The following MAP7D2 variants were observed in gnomAD, a reference collection of about 807,000 sequenced individuals.
The protein encoded by MAP7D2 is MAP7 domain containing 2.
MAP7D2 carries 33 observed loss-of-function variants against 63.5 expected under a neutral mutation model. The ratio of observed to expected loss-of-function variants is 0.52; its 90% confidence interval spans 0.39 to 0.70. MAP7D2 has a LOEUF of 0.70. Ranked by LOEUF, MAP7D2 falls within the 30% of genes least tolerant of loss-of-function variation. The pLI is 0.00. For synonymous variants in MAP7D2, 224 were observed against 223.7 expected (o/e 1.00, Z -0.01); for missense variants, 626 against 604.0 (o/e 1.04, Z -0.38).
chrX:20,047,381 C>T (rs1013846452), intron 6 of MAP7D2, among the ~76,000 whole-genome samples: 3 of 112,108 alleles, frequency 2.7e-5, no homozygotes, highest in African/African-American at 9.7e-5. Context: ...TATCATGACA[C>T]GGCGTCAGGC....
intron 1 of MAP7D2, among the ~76,000 whole-genome samples, chrX:20,083,573 G>A (rs1193733910): frequency 8.9e-6 from 1 of 112,532 alleles, no homozygotes; most frequent in Non-Finnish European, 1.9e-5. Context: ...ATTTAAGCAT[G>A]CTAGCACATC....
chrX:20,039,187 T>C (rs1471317285), intron 8 of MAP7D2, among the ~76,000 whole-genome samples: 1 of 112,301 alleles, frequency 8.9e-6, no homozygotes, highest in African/African-American at 3.2e-5. Flanking sequence ...GTTAAGAACA[T>C]GTTTGTGCAT....
intron 1 of MAP7D2, among the ~76,000 whole-genome samples, chrX:20,108,247 T>C (rs2066624851): frequency 9.2e-6 from 1 of 109,273 alleles, no homozygotes. Context: ...TTATTTTTTT[T>C]TTTTTGAGAC....
intron 3 of MAP7D2, among the ~76,000 whole-genome samples, chrX:20,059,702 TAGG>T (rs1569097077): frequency 1.3e-5 from 1 of 75,955 alleles, no homozygotes; most frequent in African/African-American, 5.4e-5. Flanking sequence ...AAAGGATAGA[TAGG>T]AAGGAAGGAA....
chrX:20,012,103 T>G (rs781241137), intron 15 of MAP7D2, among the ~76,000 whole-genome samples: 1 of 111,164 alleles, frequency 9.0e-6, no homozygotes, highest in South Asian at 3.8e-4. Flanking sequence ...TCCTTCCCCT[T>G]TCTCCTGAAA....
rs371483633 is a variant in MAP7D2, at chrX:20,016,329, T to C, written c.1413-4A>G. The C allele has an allele frequency of 2.1e-4, 252 of 1,201,754 alleles. No individual in the cohort carries two copies. Among genetic ancestry groups the C allele is most frequent in the Non-Finnish European group, 2.7e-4 (236 of 889,829 alleles). The stretch of plus-strand genomic sequence containing the variant: ...TTTCAATTCCTCTCTCTCCAGCCTT[T>C]TGAGAATACAACTGTTGTTAGAAGA... On this transcript the variant is annotated splice_polypyrimidine_tract_variant and splice_region_variant and intron_variant, in intron 10 of 16. Transcript: ENST00000379643.
intron 1 of MAP7D2, among the ~76,000 whole-genome samples, chrX:20,075,951 A>G (rs1039886478): frequency 1.8e-5 from 2 of 111,033 alleles, no homozygotes; most frequent in African/African-American, 6.6e-5. Flanking sequence ...CAATAGCTTA[A>G]TAACTCTTCC....
Position 20,050,914 on chromosome X carries a change from T to A in MAP7D2, c.628A>T (p.Ile210Phe). 1 of 1,169,566 alleles carries A rather than the reference T, an allele frequency of 8.6e-7. No homozygotes were observed. The highest frequency in any genetic ancestry group is 1.1e-6 in the Non-Finnish European group (1 of 874,181). Residue 210 changes from isoleucine (I) to phenylalanine (F), a missense_variant, in exon 6 of 17, where the codon ATT becomes TTT. Physicochemically the swap from Ile to Phe is conservative, Grantham distance 21 (BLOSUM62 0). Coordinates refer to ENST00000379643, the MANE Select transcript of MAP7D2 (RefSeq NM_001168465.2). The part of the protein sequence containing the change: ...HHMHLSPMEA[I>F]LVSRLLTPTQ... ...GGTGTCAACAGTCGCGAAACAAGAA[T>A]GGCTTCCATTGGACTAAGGTGCATG...
In MAP7D2 at chrX:20,013,090, C is replaced by A. The variant is rs1205907114; in HGVS notation, c.1849G>T (p.Glu617Ter). 8.3e-7 allele frequency: 1 copy of A among 1,211,182 alleles called. No individual in the cohort carries two copies. Among genetic ancestry groups the A allele is most frequent in the South Asian group, 1.8e-5 (1 of 56,845 alleles). ...KVGVQPAVCV[E>*]KKTKLVVPNK... ...GGGACAACCAGTTTTGTCTTCTTTT[C>A]CACACACACAGCAGGCTGGACCCCC... Residue 617 changes from glutamate to a stop codon, truncating the protein, a stop_gained, in exon 14 of 17, where the codon GAA (glutamate) becomes TAA (stop). Coordinates refer to ENST00000379643, the MANE Select transcript of MAP7D2 (RefSeq NM_001168465.2). LOFTEE classifies it high-confidence loss of function.
At chrX:20,030,373 T>C (rs1023235081) in intron 8 of MAP7D2, among the ~76,000 whole-genome samples, 12 of 111,965 alleles carry the variant, frequency 1.1e-4, no homozygotes, top group Admixed American at 2.8e-4. Flanking sequence ...TTTTTTAAGG[T>C]CCAATAAAAA....
intron 1 of MAP7D2, among the ~76,000 whole-genome samples, chrX:20,080,852 A>T (rs2065760814): frequency 8.9e-6 from 1 of 112,142 alleles, no homozygotes; most frequent in Admixed American, 9.5e-5. Context: ...ACTGCTCAAT[A>T]AATGTCAGGC....
At chrX:20,023,438 TGAA>T (rs1239547024) in intron 10 of MAP7D2, among the ~76,000 whole-genome samples, 2 of 112,192 alleles carry the variant, frequency 1.8e-5, no homozygotes, top group Non-Finnish European at 3.8e-5. Flanking sequence ...GAGGAGGCTA[TGAA>T]GGAGAGGCCA....
At chrX:20,009,974 AAC>A (rs1395112613) in intron 16 of MAP7D2, among the ~76,000 whole-genome samples, 1 of 112,046 alleles carries the variant, frequency 8.9e-6, no homozygotes, top group African/African-American at 3.2e-5. Context: ...CAGCCTGGAC[AAC>A]AGAGTGAGAT....
intron 12 of MAP7D2, among the ~76,000 whole-genome samples, chrX:20,014,529 C>CTGCACTA (rs1425286194): frequency 9.0e-6 from 1 of 111,499 alleles, no homozygotes; most frequent in African/African-American, 3.3e-5. Context: ...GATCACACCA[C>CTGCACTA]TGCACTCCAG....
chrX:20,016,508 C>A (rs1009418869), intron 10 of MAP7D2, among the ~76,000 whole-genome samples, 183 bp from the exon 11 acceptor site: 1 of 112,020 alleles, frequency 8.9e-6, no homozygotes, highest in Admixed American at 9.5e-5. Flanking sequence ...ATATATTTAC[C>A]AAAAAGTATT....
chrX:20,114,918 C>A (rs1017845535), intron 1 of MAP7D2, among the ~76,000 whole-genome samples: 1 of 111,941 alleles, frequency 8.9e-6, no homozygotes, highest in Admixed American at 9.5e-5. Flanking sequence ...ACCTCAAAAT[C>A]ATAATTTTTC....
chrX:20,071,592 A>G (rs1172380656), intron 1 of MAP7D2, among the ~76,000 whole-genome samples: 1 of 111,935 alleles, frequency 8.9e-6, no homozygotes, highest in Non-Finnish European at 1.9e-5. Flanking sequence ...CCACACCTTG[A>G]GAACCAGTGT....
chrX:20,101,950 T>C (rs1053279204), intron 1 of MAP7D2, among the ~76,000 whole-genome samples: 2 of 112,296 alleles, frequency 1.8e-5, no homozygotes, highest in Admixed American at 1.9e-4. Flanking sequence ...TTTATCACAA[T>C]AAAAAAGTAT....
intron 1 of MAP7D2, among the ~76,000 whole-genome samples, chrX:20,111,077 G>A (rs775889934): frequency 2.3e-4 from 26 of 111,684 alleles, no homozygotes; most frequent in African/African-American, 8.1e-4. Flanking sequence ...GTCCAGGACA[G>A]ACTCTCTGTG....
Sources: allele counts gnomAD v4.1 joint callset (sites outside exome capture counted in the v4.1 genomes callset), GRCh38; gene constraint gnomAD v4.1.1; transcripts MANE v1.5; gene names NCBI Gene and HGNC (gene_info 2026-07-23, HGNC 2026-07-21).